The following MACROD2 variants were observed in gnomAD, a reference collection of about 807,000 sequenced individuals.
The protein encoded by MACROD2 is ADP-ribose glycohydrolase MACROD2.
MACROD2 carries 36 observed loss-of-function variants against 70.4 expected under a neutral mutation model. The ratio of observed to expected loss-of-function variants is 0.51; its 90% CI spans 0.39 to 0.68. MACROD2 has a LOEUF of 0.68. MACROD2 is among the 30% of genes least tolerant of loss of function. MACROD2 has a pLI of 0.00. For missense variants in MACROD2, 496 were observed against 538.4 expected (o/e 0.92, Z 0.78); for synonymous variants, 172 against 178.8 (o/e 0.96, Z 0.30).
At chr20:14,623,673 T>G (rs1369122673) in intron 4 of MACROD2, among the ~76,000 whole-genome samples, 1 of 152,080 alleles carries the variant, frequency 6.6e-6, no homozygotes, top group Non-Finnish European at 1.5e-5. Flanking sequence ...AAAATATTAG[T>G]GAGAGGAGCA....
intron 4 of MACROD2, among the ~76,000 whole-genome samples, chr20:14,668,901 A>T (rs2070765609): frequency 6.6e-6 from 1 of 152,164 alleles, no homozygotes; most frequent in African/African-American, 2.4e-5. Flanking sequence ...GCCCTATTGA[A>T]TAATTTTTTC....
chr20:16,000,133 T>C (rs2066689597), intron 15 of MACROD2, among the ~76,000 whole-genome samples: 2 of 152,200 alleles, frequency 1.3e-5, no homozygotes, highest in African/African-American at 2.4e-5. Flanking sequence ...CTAGAACATT[T>C]ACTACCTGGC....
At chr20:15,352,998 A>G (rs558447056) in intron 6 of MACROD2, among the ~76,000 whole-genome samples, 75 of 152,114 alleles carry the variant, frequency 4.9e-4, no homozygotes, top group Non-Finnish European at 9.3e-4. Flanking sequence ...ATTGGAAAAA[A>G]CTACTTTAAA....
At chr20:15,340,805 TCTC>T (rs1366950706) in intron 6 of MACROD2, among the ~76,000 whole-genome samples, 3 of 152,192 alleles carry the variant, frequency 2.0e-5, no homozygotes, top group East Asian at 1.9e-4. Context: ...TGCTTACTAT[TCTC>T]CTTCTGTTCA....
intron 13 of MACROD2, among the ~76,000 whole-genome samples, chr20:15,968,045 T>C (rs2066169542): frequency 6.6e-6 from 1 of 152,142 alleles, no homozygotes; most frequent in South Asian, 2.1e-4. Flanking sequence ...AAACAATCTT[T>C]AGAAAAATAA....
intron 5 of MACROD2, among the ~76,000 whole-genome samples, chr20:15,159,887 T>C (rs1005453903): frequency 2.6e-5 from 4 of 151,978 alleles, no homozygotes; most frequent in Non-Finnish European, 5.9e-5. Context: ...AGAGGTTGGA[T>C]CTTGGGGCGT....
chr20:15,927,942 T>G (rs2065515504), intron 10 of MACROD2, among the ~76,000 whole-genome samples: 1 of 151,950 alleles, frequency 6.6e-6, no homozygotes, highest in South Asian at 2.1e-4. Flanking sequence ...TTGGACAGAG[T>G]CGGAAGGGCT....
intron 8 of MACROD2, among the ~76,000 whole-genome samples, chr20:15,543,143 T>C (rs965782493): frequency 2.0e-5 from 3 of 152,210 alleles, no homozygotes; most frequent in Non-Finnish European, 4.4e-5. Flanking sequence ...GCTACTAAAA[T>C]CCTTTGGAGT....
chr20:14,592,831 A>G (rs993588545), intron 4 of MACROD2, among the ~76,000 whole-genome samples: 3 of 152,206 alleles, frequency 2.0e-5, no homozygotes, highest in Admixed American at 6.5e-5. Flanking sequence ...ATAATATTTT[A>G]CATATTTAGA....
intron 15 of MACROD2, among the ~76,000 whole-genome samples, chr20:16,023,189 G>A (rs1414002948): frequency 4.0e-5 from 6 of 151,844 alleles, no homozygotes; most frequent in African/African-American, 1.5e-4. Context: ...ATAAGAGATG[G>A]TGCCATCCGG....
intron 8 of MACROD2, among the ~76,000 whole-genome samples, chr20:15,826,387 A>G (rs1207209143): frequency 1.3e-5 from 2 of 152,242 alleles, no homozygotes; most frequent in Non-Finnish European, 2.9e-5. Context: ...GTTCTACTGC[A>G]TATGCCAGAC....
chr20:14,775,061 A>G (rs1221838975), intron 5 of MACROD2, among the ~76,000 whole-genome samples: 1 of 152,072 alleles, frequency 6.6e-6, no homozygotes, highest in African/African-American at 2.4e-5. Context: ...TATCTCATGC[A>G]TGGTTTTATG....
chr20:14,967,057 A>G (rs2074644106), intron 5 of MACROD2, among the ~76,000 whole-genome samples: 1 of 152,160 alleles, frequency 6.6e-6, no homozygotes. Flanking sequence ...TGTGGTTTTA[A>G]TTTGCATTTC....
At chr20:15,553,199 G>A (rs980788224) in intron 8 of MACROD2, among the ~76,000 whole-genome samples, 1 of 151,894 alleles carries the variant, frequency 6.6e-6, no homozygotes, top group Non-Finnish European at 1.5e-5. Flanking sequence ...TTTCTGCTAG[G>A]GACTGAGAAC....
chr20:15,918,761 T>C (rs1388085356), intron 10 of MACROD2, among the ~76,000 whole-genome samples: 2 of 152,234 alleles, frequency 1.3e-5, no homozygotes, highest in African/African-American at 4.8e-5. Context: ...TTACGGGTAG[T>C]GTGCTCTATC....
intron 6 of MACROD2, among the ~76,000 whole-genome samples, chr20:15,377,125 C>T (rs1008572525): frequency 1.3e-5 from 2 of 152,084 alleles, no homozygotes; most frequent in Admixed American, 6.6e-5. Context: ...CTCCTGACCT[C>T]GTGATCCGCC....
intron 9 of MACROD2, among the ~76,000 whole-genome samples, chr20:15,874,377 GTGT>G (rs2147187526): frequency 6.6e-6 from 1 of 152,084 alleles, no homozygotes; most frequent in African/African-American, 2.4e-5. Context: ...ATAAACATAC[GTGT>G]GCATGTGTCT....
intron 3 of MACROD2, among the ~76,000 whole-genome samples, chr20:14,174,854 T>C (rs544089981): frequency 3.3e-5 from 5 of 152,330 alleles, no homozygotes; most frequent in Non-Finnish European, 5.9e-5. Context: ...CACAGGACTC[T>C]TTCTGCTGCT....
At chr20:15,642,232 G>A (rs1369509918) in intron 8 of MACROD2, among the ~76,000 whole-genome samples, 1 of 152,154 alleles carries the variant, frequency 6.6e-6, no homozygotes, top group Non-Finnish European at 1.5e-5. Flanking sequence ...GGGGATTGTG[G>A]CAATAGTTCA....
Sources: allele counts gnomAD v4.1 joint callset (sites outside exome capture counted in the v4.1 genomes callset), GRCh38; gene constraint gnomAD v4.1.1; transcripts MANE v1.5; gene names NCBI Gene and HGNC (gene_info 2026-07-23, HGNC 2026-07-21).